GPC6: variants seen among roughly 807,000 people sequenced by gnomAD.
GPC6 encodes glypican-6.
A neutral mutation model predicts 55.2 loss-of-function variants in GPC6; 14 were observed. The observed-to-expected ratio is 0.25, with a 90% CI of 0.17 to 0.40. The LOEUF (loss-of-function observed/expected upper bound fraction) is 0.40, where lower values mean the gene tolerates loss of function less well. GPC6 is among the 10% of genes least tolerant of loss of function. The pLI is 1.00. For synonymous variants in GPC6, 278 were observed against 259.6 expected (o/e 1.07, Z -0.68); for missense variants, 641 against 708.5 (o/e 0.90, Z 1.08).
At chr13:93,479,615 C>A (rs868434523) in intron 1 of GPC6, among the ~76,000 whole-genome samples, 3 of 151,598 alleles carry the variant, frequency 2.0e-5, no homozygotes, top group African/African-American at 7.3e-5. Flanking sequence ...GAGACCCCCC[C>A]CCATCTCTAC....
chr13:94,153,684 G>A lies in GPC6; in HGVS notation c.877+125790G>A, dbSNP rs563593663. Among the ~76,000 whole-genome samples the A allele has an allele frequency of 2.0e-5, 3 of 152,298 alleles. No homozygotes were observed. In the South Asian group the frequency reaches 6.2e-4, roughly 32 times the overall value. The stretch of plus-strand genomic sequence containing the variant: ...AAAGGTATAGTATGTATTAGTACAG[G>A]AGTTAAATGTGGACTAGGTTCTTGC... On this transcript the variant is annotated intron_variant, in intron 4 of 8. Transcript: ENST00000377047.
chr13:93,508,982 C>T (rs1166079525), intron 1 of GPC6, among the ~76,000 whole-genome samples: 3 of 152,208 alleles, frequency 2.0e-5, no homozygotes, highest in South Asian at 2.1e-4. Flanking sequence ...AGCTTATGGT[C>T]GGTCACCTGT....
chr13:94,193,335 A>AT (rs1889461460), intron 4 of GPC6, among the ~76,000 whole-genome samples: 1 of 152,090 alleles, frequency 6.6e-6, no homozygotes, highest in African/African-American at 2.4e-5. Flanking sequence ...GAAGATGAAA[A>AT]ATGTAGTATT....
intron 1 of GPC6, among the ~76,000 whole-genome samples, chr13:93,488,188 C>G (rs1879804308): frequency 6.6e-6 from 1 of 152,060 alleles, no homozygotes; most frequent in Non-Finnish European, 1.5e-5. Context: ...TCTCATTGTT[C>G]AAATCCCAAC....
chr13:93,610,127 T>A (rs780139899), intron 2 of GPC6, among the ~76,000 whole-genome samples: 1 of 152,182 alleles, frequency 6.6e-6, no homozygotes, highest in African/African-American at 2.4e-5. Flanking sequence ...AGATACAATA[T>A]CTTCCCTGTG....
At chr13:93,519,478 C>T (rs1881326372) in intron 1 of GPC6, among the ~76,000 whole-genome samples, 1 of 151,938 alleles carries the variant, frequency 6.6e-6, no homozygotes, top group African/African-American at 2.4e-5. Flanking sequence ...GATCTTCAAC[C>T]TGAAAATCAC....
chr13:93,833,146 AGAGAGAGAG>A (rs1887592916), intron 3 of GPC6, among the ~76,000 whole-genome samples: 1 of 139,190 alleles, frequency 7.2e-6, no homozygotes, highest in African/African-American at 2.8e-5. Flanking sequence ...AGAGAGAGAG[AGAGAGAGAG>A]AGATGGTATA....
intron 1 of GPC6, among the ~76,000 whole-genome samples, chr13:93,521,765 C>A (rs1038621799): frequency 2.0e-5 from 3 of 151,922 alleles, no homozygotes; most frequent in Non-Finnish European, 4.4e-5. Flanking sequence ...TGGGCTCATT[C>A]CCCAGCTATG....
intron 2 of GPC6, among the ~76,000 whole-genome samples, chr13:93,703,974 T>G (rs909830448): frequency 3.3e-5 from 5 of 151,984 alleles, no homozygotes; most frequent in African/African-American, 1.2e-4. Context: ...ACATTACAAT[T>G]AAACTATCCA....
At chr13:93,520,074 G>A (rs909141900) in intron 1 of GPC6, among the ~76,000 whole-genome samples, 1 of 151,992 alleles carries the variant, frequency 6.6e-6, no homozygotes, top group Non-Finnish European at 1.5e-5. Flanking sequence ...ATAAACTTGT[G>A]ATGAATGATT....
At chr13:93,278,794 T>G (rs769981112) in intron 1 of GPC6, among the ~76,000 whole-genome samples, 2 of 152,178 alleles carry the variant, frequency 1.3e-5, no homozygotes, top group African/African-American at 2.4e-5. Flanking sequence ...GTAATAAAGT[T>G]GTATTATATG....
intron 3 of GPC6, among the ~76,000 whole-genome samples, chr13:93,881,118 A>T (rs1050530687): frequency 6.6e-6 from 1 of 152,186 alleles, no homozygotes; most frequent in South Asian, 2.1e-4. Context: ...TCTAATGGTG[A>T]TGCAATTTCG....
intron 4 of GPC6, among the ~76,000 whole-genome samples, chr13:94,172,349 T>G (rs1303011530): frequency 6.6e-6 from 1 of 152,138 alleles, no homozygotes; most frequent in Non-Finnish European, 1.5e-5. Flanking sequence ...GATGATCGAG[T>G]GATCTTATTC....
the GPC6 span, among the ~76,000 whole-genome samples, chr13:93,216,699 G>A: frequency 6.6e-6 from 1 of 152,088 alleles, no homozygotes; most frequent in African/African-American, 2.4e-5. Context: ...TTTCACCAAT[G>A]TCTGGCTGTC....
intron 3 of GPC6, among the ~76,000 whole-genome samples, chr13:93,908,853 G>T (rs1310366436): frequency 6.6e-6 from 1 of 152,118 alleles, no homozygotes; most frequent in African/African-American, 2.4e-5. Context: ...GAGACCACTA[G>T]CTGGCTGATT....
chr13:94,201,893 G>A (rs889477854), intron 4 of GPC6, among the ~76,000 whole-genome samples: 1 of 152,154 alleles, frequency 6.6e-6, no homozygotes, highest in Non-Finnish European at 1.5e-5. Flanking sequence ...AGGTTGCAGT[G>A]AGCCGAGATT....
At chr13:93,466,873 A>G (rs1381113803) in intron 1 of GPC6, among the ~76,000 whole-genome samples, 2 of 152,182 alleles carry the variant, frequency 1.3e-5, no homozygotes, top group African/African-American at 4.8e-5. Flanking sequence ...CTATTAATTG[A>G]GTTATAATTC....
intron 3 of GPC6, among the ~76,000 whole-genome samples, chr13:93,915,992 G>A (rs1051680902): frequency 2.6e-5 from 4 of 152,230 alleles, no homozygotes; most frequent in South Asian, 2.1e-4. Context: ...CCAAGATGCC[G>A]TCTCACTGCT....
chr13:93,464,858 G>C (rs758380770), intron 1 of GPC6, among the ~76,000 whole-genome samples: 15 of 152,270 alleles, frequency 9.9e-5, no homozygotes, highest in Non-Finnish European at 1.9e-4. Flanking sequence ...CTTATGAAAT[G>C]TATTTCTTAA....
Sources: allele counts gnomAD v4.1 joint callset (sites outside exome capture counted in the v4.1 genomes callset), GRCh38; gene constraint gnomAD v4.1.1; transcripts MANE v1.5; gene names NCBI Gene and HGNC (gene_info 2026-07-23, HGNC 2026-07-21).